PRRC2B: variants seen among roughly 807,000 people sequenced by gnomAD.
PRRC2B encodes the protein protein PRRC2B.
In PRRC2B, 68 loss-of-function variants were observed where a neutral mutation model predicts 242.3. The ratio of observed to expected loss-of-function variants is 0.28; its 90% CI spans 0.23 to 0.34. The LOEUF (loss-of-function observed/expected upper bound fraction) is 0.34. PRRC2B is among the 10% of genes least tolerant of loss of function. The pLI is 1.00. For missense variants in PRRC2B, 2,835 were observed against 2,954.8 expected (o/e 0.96, Z 0.94); for synonymous variants, 1,228 against 1,173.6 (o/e 1.05, Z -0.95).
intron 28 of PRRC2B, chr9:131,490,681 A>T (rs1944165919): frequency 2.1e-6 from 1 of 487,716 alleles, no homozygotes; most frequent in Admixed American, 2.1e-5. Context: ...CCCTGCAGCT[A>T]CCCTGTTCTC....
chr9:131,394,538 G>T (rs1261240037), intron 1 of PRRC2B, among the ~76,000 whole-genome samples: 1 of 148,972 alleles, frequency 6.7e-6, no homozygotes, highest in Non-Finnish European at 1.5e-5. Flanking sequence ...GCTCGGGCGG[G>T]GTCCAGGGGC....
At chr9:131,481,654 T>A in intron 19 of PRRC2B, 72 bp from the exon 20 acceptor site, 4 of 1,239,590 alleles carry the variant, frequency 3.2e-6, no homozygotes, top group Non-Finnish European at 4.6e-6. Context: ...CTGTGCTTGT[T>A]CTTTAAGAGC....
At chr9:131,389,247 G>A (rs1203318055), upstream of PRRC2B, among the ~76,000 whole-genome samples, 3 of 146,572 alleles carry the variant, frequency 2.0e-5, 1 homozygote, top group Middle Eastern at 3.6e-3. Flanking sequence ...CCGCTTCCCT[G>A]GTGAATCAAG....
chr9:131,406,522 G>C (rs993254131), intron 1 of PRRC2B, among the ~76,000 whole-genome samples: 1 of 152,166 alleles, frequency 6.6e-6, no homozygotes, highest in Non-Finnish European at 1.5e-5. Flanking sequence ...ACCTCAGGCC[G>C]ACAGGAGTGT....
intron 1 of PRRC2B, among the ~76,000 whole-genome samples, chr9:131,388,693 G>A (rs1226828502): frequency 2.0e-5 from 3 of 149,164 alleles, no homozygotes; most frequent in Non-Finnish European, 4.5e-5. Context: ...ACAGGCACAC[G>A]CCACTATGCT....
intron 1 of PRRC2B, among the ~76,000 whole-genome samples, chr9:131,397,241 C>G (rs1837086085): frequency 6.6e-6 from 1 of 152,234 alleles, no homozygotes; most frequent in African/African-American, 2.4e-5. Context: ...TCTGTGGCCC[C>G]CTAATGCTGA....
intron 1 of PRRC2B, among the ~76,000 whole-genome samples, chr9:131,409,680 T>C (rs1837455891): frequency 6.6e-6 from 1 of 152,182 alleles, no homozygotes; most frequent in Non-Finnish European, 1.5e-5. Context: ...TAAGAGCTGC[T>C]CCAGGCTTCG....
At chr9:131,383,167 T>G (rs1836783316) in intron 1 of PRRC2B, among the ~76,000 whole-genome samples, 1 of 152,010 alleles carries the variant, frequency 6.6e-6, no homozygotes, top group African/African-American at 2.4e-5. Flanking sequence ...CGAGAAGGCC[T>G]CCTCCGGCTC....
intron 28 of PRRC2B, chr9:131,490,347 C>T: frequency 2.1e-6 from 1 of 476,380 alleles, no homozygotes; most frequent in South Asian, 1.6e-5. Context: ...GTAGGGACTC[C>T]TACCTGGCCT....
In PRRC2B at chr9:131,467,642, G is replaced by A. The variant is rs1361239002; in HGVS notation, c.1800G>A (p.Gln600=). The A allele has an allele frequency of 6.2e-7, 1 of 1,613,928 alleles. No homozygotes were observed. The highest frequency in any genetic ancestry group is 8.5e-7 in the Non-Finnish European group (1 of 1,179,872). Reference sequence around the variant, plus strand: ...CCACAGTGTCCCCAGCAGTGGCACAGAGCAACAGCAGTGAGGAAGAGGCCA... The same window carrying A: ...CCACAGTGTCCCCAGCAGTGGCACAAAGCAACAGCAGTGAGGAAGAGGCCA... ...EAPTVSPAVA[Q]SNSSEEEARE... The change falls in exon 13 of 32, where the codon CAG becomes CAA. Residue 600 remains glutamine (Q), a synonymous_variant. Transcript: ENST00000683519.
At chr9:131,489,922 C>T (rs971365616) in intron 28 of PRRC2B, among the ~76,000 whole-genome samples, 8 of 152,128 alleles carry the variant, frequency 5.3e-5, no homozygotes, top group Admixed American at 3.9e-4. Flanking sequence ...TGCCTCAGGC[C>T]TCCTCCTCAG....
rs781743772 is a variant in PRRC2B, at chr9:131,487,125, G to A, written c.5857-42G>A. ...TGGGAGGGGAAGAACCACCTGGATGGGCCTTGCGGTTACCTCCCCGACCCC... is the reference window on the plus strand; with the variant it reads ...TGGGAGGGGAAGAACCACCTGGATGAGCCTTGCGGTTACCTCCCCGACCCC... On this transcript the variant is annotated intron_variant, in intron 26 of 31. Transcript: ENST00000683519. This position sits in a 1 kb window ranked among gnomAD's most constrained non-coding sequence, Gnocchi z 5.3. 5.0e-6 allele frequency: 8 copies of A among 1,602,608 alleles called. No individual in the cohort carries two copies. Among genetic ancestry groups the A allele is most frequent in the Non-Finnish European group, 6.8e-6 (8 of 1,173,294 alleles).
chr9:131,485,786 G>A (rs1162661171), intron 25 of PRRC2B: 1 of 663,560 alleles, frequency 1.5e-6, no homozygotes, highest in Non-Finnish European at 2.8e-6. Context: ...ATGCCCCTTC[G>A]AGTGTCTGGG....
intron 9 of PRRC2B, among the ~76,000 whole-genome samples, chr9:131,449,986 C>T (rs771554162): frequency 1.3e-5 from 2 of 152,182 alleles, no homozygotes; most frequent in South Asian, 2.1e-4. Flanking sequence ...CTTTCCCTAT[C>T]GAATTGCTTT....
chr9:131,463,055 A>C (rs1307644977), intron 11 of PRRC2B, among the ~76,000 whole-genome samples: 1 of 152,052 alleles, frequency 6.6e-6, no homozygotes, highest in Non-Finnish European at 1.5e-5. Flanking sequence ...ATTGAATCCC[A>C]TGGGATAAAG....
Position 131,475,218 on chromosome 9 carries a change from G to C in PRRC2B, c.3089G>C (p.Trp1030Ser), listed in dbSNP as rs747152999. The change falls in exon 16 of 32, where the codon TGG (tryptophan) becomes TCG (serine). Residue 1030 changes from tryptophan to serine, a missense_variant. Around this residue, in one of 7 missense-constraint regions of PRRC2B, gnomAD observed 1,536 missense variants for 1,483.1 expected, o/e 1.04. Coordinates refer to ENST00000683519, the MANE Select transcript of PRRC2B (RefSeq NM_013318.4). ...FEEEEKPDKA[W>S]EARPPRESSD... ...GAGGAGGAGAAACCTGACAAGGCCT[G>C]GGAAGCCAGACCCCCACGAGAGTCC... is the stretch of plus-strand genomic sequence containing the variant. The C allele has an allele frequency of 1.9e-6, 3 of 1,613,766 alleles. No individual in the cohort carries two copies. In the Admixed American group the frequency reaches 5.0e-5, roughly 27 times the overall value.
intron 1 of PRRC2B, among the ~76,000 whole-genome samples, chr9:131,404,697 G>A (rs1361021545): frequency 6.6e-6 from 1 of 152,146 alleles, no homozygotes; most frequent in Admixed American, 6.5e-5. Flanking sequence ...GCCCTTTCAC[G>A]TGATAAAATG....
chr9:131,493,530 G>A (rs963885597), intron 30 of PRRC2B, among the ~76,000 whole-genome samples: 1 of 152,216 alleles, frequency 6.6e-6, no homozygotes, highest in African/African-American at 2.4e-5. Context: ...GACAAGAGTC[G>A]CCTGTGTCTA....
At chr9:131,480,633 T>A (rs199810635) in intron 19 of PRRC2B, among the ~76,000 whole-genome samples, 3 of 151,528 alleles carry the variant, frequency 2.0e-5, no homozygotes, top group Admixed American at 6.6e-5. Flanking sequence ...TTTTTTTTTT[T>A]AAAGATGGGG....
Sources: allele counts gnomAD v4.1 joint callset (sites outside exome capture counted in the v4.1 genomes callset), GRCh38; gene constraint gnomAD v4.1.1; regional missense constraint gnomAD v4.1.1; non-coding constraint Gnocchi (gnomAD v3.1); transcripts MANE v1.5; gene names NCBI Gene and HGNC (gene_info 2026-07-23, HGNC 2026-07-21).